The following MYLK4 variants were observed in gnomAD, a reference collection of about 807,000 sequenced individuals.
MYLK4 encodes caMLCK like.
Under a neutral mutation model 48.1 loss-of-function variants are expected in MYLK4, and 46 were observed. That is an observed-to-expected ratio of 0.96 (90% CI 0.75 to 1.22). MYLK4 has a LOEUF of 1.22. Among genes scored for constraint, MYLK4 ranks in the 50% most tolerant of loss-of-function variants. MYLK4 has a pLI of 0.00. For missense variants in MYLK4, 451 were observed against 486.1 expected (o/e 0.93, Z 0.68); for synonymous variants, 170 against 180.8 (o/e 0.94, Z 0.48).
At chr6:2,739,476 C>A (rs1251425923) in intron 2 of MYLK4, among the ~76,000 whole-genome samples, 5 of 152,178 alleles carry the variant, frequency 3.3e-5, no homozygotes, top group African/African-American at 4.8e-5. Flanking sequence ...CTTTGAGTTA[C>A]AACCTGTGGG....
chr6:2,701,757 T>TGCAGAACC lies in MYLK4; in HGVS notation c.160-8906_160-8899dup, dbSNP rs1377239028. On this transcript the variant is annotated intron_variant, in intron 2 of 12. Coordinates refer to ENST00000274643, the MANE Select transcript of MYLK4 (RefSeq NM_001012418.5). ...GCATCTCCTGGGAACCTGCTAGCAATGCAGAACCTCAGAACCTCAGCCTCT... is the reference window on the plus strand; with the variant it reads ...GCATCTCCTGGGAACCTGCTAGCAATGCAGAACCGCAGAACCTCAGAACCTCAGCCTCT... Among the ~76,000 whole-genome samples the TGCAGAACC allele has an allele frequency of 3.9e-5, 6 of 152,310 alleles. No homozygotes were observed. In the East Asian group the frequency reaches 9.6e-4, roughly 24 times the overall value.
chr6:2,766,109 C>T, the MYLK4 span: 4 of 1,318,346 alleles, frequency 3.0e-6, no homozygotes, highest in Non-Finnish European at 3.8e-6. Flanking sequence ...GGCGGAGGCG[C>T]AGGAGGAGGA....
chr6:2,679,658 A>C (rs534731605), intron 8 of MYLK4, among the ~76,000 whole-genome samples: 31 of 152,366 alleles, frequency 2.0e-4, no homozygotes, highest in African/African-American at 6.7e-4. Context: ...GCTGCTGTGA[A>C]TAATGAGAAC....
rs3055234 is a variant in MYLK4 at position 2,703,665 on chromosome 6, CTTTTTTTTTTT to C, written c.160-10817_160-10807del. Among the ~76,000 whole-genome samples the C allele has an allele frequency of 4.2e-5, 4 of 95,152 alleles. 1 individual carries two copies. Among genetic ancestry groups the C allele is most frequent in the South Asian group, 4.5e-4 (1 of 2,212 alleles). 62.4% of individuals were successfully genotyped at this position (95,152 alleles called of 152,430 possible). ...TCAGGAAGGTTTCCCTTTGTGAATTCTTTTTTTTTTTTTTTTTTTTTTTTGAGACGGAGTCT... is the reference window on the plus strand; with the variant it reads ...TCAGGAAGGTTTCCCTTTGTGAATTCTTTTTTTTTTTTTGAGACGGAGTCT... On this transcript the variant is annotated intron_variant, in intron 2 of 12. Transcript: ENST00000274643.
At chr6:2,671,626 A>G (rs1026877003) in intron 11 of MYLK4, among the ~76,000 whole-genome samples, 4 of 152,204 alleles carry the variant, frequency 2.6e-5, no homozygotes, top group East Asian at 1.9e-4. Flanking sequence ...ACACTCAGGT[A>G]TGTTTTGCAA....
At chr6:2,767,509 C>T in the MYLK4 span, among the ~76,000 whole-genome samples, 8 of 152,220 alleles carry the variant, frequency 5.3e-5, no homozygotes, top group Non-Finnish European at 1.0e-4. Flanking sequence ...TTTGTGCCTT[C>T]TTGTTTGCAC....
intron 6 of MYLK4, among the ~76,000 whole-genome samples, chr6:2,684,174 A>G (rs112101675): frequency 0.03 from 4,601 of 152,266 alleles, 210 homozygotes; most frequent in African/African-American, 0.097. Flanking sequence ...TAGTTCCGTG[A>G]ACACAAGCAT....
At chr6:2,670,369 AAAC>A (rs869025816) in intron 12 of MYLK4, among the ~76,000 whole-genome samples, 1 of 8,780 alleles carries the variant, frequency 1.1e-4, no homozygotes, top group Admixed American at 1.0e-3. Flanking sequence ...CTATCTCAAA[AAAC>A]AAACAAACAA....
chr6:2,687,100 C>A (rs552641537), intron 4 of MYLK4, among the ~76,000 whole-genome samples: 2 of 152,320 alleles, frequency 1.3e-5, no homozygotes, highest in Admixed American at 1.3e-4. Flanking sequence ...ACCCTCAAGG[C>A]CACAGGGCAG....
chr6:2,731,126 T>C (rs1763464149), intron 2 of MYLK4, among the ~76,000 whole-genome samples: 1 of 151,956 alleles, frequency 6.6e-6, no homozygotes, highest in East Asian at 1.9e-4. Context: ...TGCTTTTCAG[T>C]CCCCCAAAAC....
intron 2 of MYLK4, among the ~76,000 whole-genome samples, chr6:2,740,602 C>T (rs1455241441): frequency 6.6e-6 from 1 of 152,204 alleles, no homozygotes; most frequent in Non-Finnish European, 1.5e-5. Flanking sequence ...TTTCATACTC[C>T]TCCAGCCCCC....
chr6:2,739,875 G>A (rs1291458528), intron 2 of MYLK4, among the ~76,000 whole-genome samples: 2 of 152,190 alleles, frequency 1.3e-5, no homozygotes, highest in Non-Finnish European at 2.9e-5. Context: ...TTGGCCCTAA[G>A]AGCAACCCTG....
At chr6:2,696,962 G>A (rs1762083886) in intron 2 of MYLK4, among the ~76,000 whole-genome samples, 1 of 152,156 alleles carries the variant, frequency 6.6e-6, no homozygotes, top group Non-Finnish European at 1.5e-5. Context: ...AGGAGGCTGA[G>A]GCAAGAGAAT....
the MYLK4 span, among the ~76,000 whole-genome samples, chr6:2,763,971 A>T: frequency 1.3e-5 from 2 of 152,174 alleles, no homozygotes; most frequent in Admixed American, 1.3e-4. Flanking sequence ...CTGTACTAAA[A>T]ATCCAAAAAA....
chr6:2,683,949 T>C (rs1761427923), intron 6 of MYLK4, among the ~76,000 whole-genome samples: 1 of 152,172 alleles, frequency 6.6e-6, no homozygotes, highest in African/African-American at 2.4e-5. Flanking sequence ...TGGGGACACC[T>C]TCCAAGACCC....
chr6:2,675,198 T>TC (rs77597054), intron 10 of MYLK4, 73 bp from the exon 11 acceptor site: 178,772 of 1,094,570 alleles, frequency 0.16, 18,367 homozygotes, highest in East Asian at 0.42. Context: ...CAATCTCAAC[T>TC]CCAGCTTCTG....
rs1760530311 is a variant in MYLK4 at position 2,663,649 on chromosome 6, A to G, written c.*4276T>C. The G allele has an allele frequency of 6.6e-6, 1 of 152,670 alleles. No homozygotes were observed. The highest frequency in any genetic ancestry group is 2.1e-4 in the South Asian group (1 of 4,834). 9.5% of individuals were successfully genotyped at this position (152,670 alleles called of 1,614,324 possible). On this transcript the variant is annotated 3_prime_UTR_variant, in exon 13 of 13. Coordinates refer to ENST00000274643, the MANE Select transcript of MYLK4 (RefSeq NM_001012418.5). ...ATTAATCAAAAGATAAATAAGGTCC[A>G]TGTTTATTCTTCAATATAATACATA...
chr6:2,745,482 G>A lies in MYLK4; in HGVS notation c.159+3654C>T, dbSNP rs151155138. Among the ~76,000 whole-genome samples the A allele has an allele frequency of 1.9e-3, 296 of 152,282 alleles. 2 individuals carry two copies. Among genetic ancestry groups the A allele is most frequent in the Non-Finnish European group, 5.0e-4 (34 of 68,018 alleles). On this transcript the variant is annotated intron_variant, in intron 2 of 12. Transcript: ENST00000274643. ...TTGATTTCAACACCACACCGTGTACGTATGTTTAGATCTAGTTTATTATGG... is the reference window on the plus strand; with the variant it reads ...TTGATTTCAACACCACACCGTGTACATATGTTTAGATCTAGTTTATTATGG...
chr6:2,681,250 A>G (rs540471226), intron 7 of MYLK4, among the ~76,000 whole-genome samples: 12 of 152,276 alleles, frequency 7.9e-5, no homozygotes, highest in Non-Finnish European at 1.3e-4. Flanking sequence ...CCAGGTGGAG[A>G]AGAGGTTCCA....
Sources: gnomAD v4.1 joint callset for allele counts (sites outside exome capture counted in the v4.1 genomes callset) on GRCh38, gnomAD v4.1.1 for gene constraint, MANE v1.5 for transcripts, NCBI Gene and HGNC (gene_info 2026-07-23, HGNC 2026-07-21) for gene names.